The following PCSK6 variants were observed in gnomAD, a reference collection of about 807,000 sequenced individuals.
PCSK6 encodes proprotein convertase subtilisin/kexin type 6, also known as paired basic amino acid cleaving enzyme 4.
PCSK6 carries 85 observed loss-of-function variants against 123.3 expected under a neutral mutation model. That is an observed-to-expected ratio of 0.69 (90% CI 0.58 to 0.83). The LOEUF (loss-of-function observed/expected upper bound fraction) is 0.83. Among genes scored for constraint, PCSK6 ranks in the 40% least tolerant of loss-of-function variants. PCSK6 has a pLI of 0.00. For missense variants in PCSK6, 1,191 were observed against 1,282.3 expected (o/e 0.93, Z 1.09); for synonymous variants, 508 against 516.0 (o/e 0.98, Z 0.21).
At chr15:101,373,419 C>T (rs1449212519) in intron 11 of PCSK6, among the ~76,000 whole-genome samples, 1 of 152,232 alleles carries the variant, frequency 6.6e-6, no homozygotes, top group Non-Finnish European at 1.5e-5. Context: ...CAGGACTCCT[C>T]ATTCCTGTAA....
intron 20 of PCSK6, chr15:101,308,615 C>T (rs1371554675): frequency 6.6e-6 from 1 of 152,032 alleles, no homozygotes; most frequent in Non-Finnish European, 1.5e-5. Context: ...AAACTCACAC[C>T]CACGAGCCTT....
chr15:101,405,225 C>T (rs2042734602), intron 6 of PCSK6, among the ~76,000 whole-genome samples: 1 of 152,186 alleles, frequency 6.6e-6, no homozygotes, highest in Non-Finnish European at 1.5e-5. Context: ...AAAAGAAAGG[C>T]CCATTTACTA....
Position 101,396,431 on chromosome 15 carries a change from C to T in PCSK6, c.996+1973G>A, listed in dbSNP as rs187850329. On this transcript the variant is annotated intron_variant, in intron 7 of 21. Coordinates refer to ENST00000611716, the MANE Select transcript of PCSK6 (RefSeq NM_002570.5). ...GGAGCTCCATCTTTGGAAATCATCC[C>T]GTAGAAATGACAGACGCTCAGCAGG... is the stretch of plus-strand genomic sequence containing the variant. Among the ~76,000 whole-genome samples, 734 of 152,260 alleles carry T rather than the reference C, an allele frequency of 4.8e-3. 3 individuals are homozygous for T. Among genetic ancestry groups the T allele is most frequent in the Middle Eastern group, 0.027 (8 of 294 alleles).
intron 1 of PCSK6, among the ~76,000 whole-genome samples, chr15:101,452,997 T>C (rs1032763549): frequency 6.6e-6 from 1 of 152,126 alleles, no homozygotes; most frequent in Non-Finnish European, 1.5e-5. Context: ...TTTCAAAAAA[T>C]TGTAAAAGAA....
In PCSK6 at chr15:101,409,360, C is replaced by T. The variant is rs111634728; in HGVS notation, c.824-10784G>A. Among the ~76,000 whole-genome samples, 5 of 151,374 alleles carry T rather than the reference C, an allele frequency of 3.3e-5. No homozygotes were observed. The East Asian group carries it at 5.9e-4, about 18-fold the overall frequency. ...CAGCACTTTGGGCGGCCGAGGCGGG[C>T]GGATCACGAGGTCAGGAGATCGAGA... On this transcript the variant is annotated intron_variant, in intron 6 of 21. Transcript: ENST00000611716.
chr15:101,319,546 G>C (rs576861707), intron 18 of PCSK6, among the ~76,000 whole-genome samples: 452 of 152,364 alleles, frequency 3.0e-3, no homozygotes, highest in Middle Eastern at 0.024. Context: ...GGCTGCCAGG[G>C]AACCAACCAT....
chr15:101,321,681 C>A (rs930152767), intron 18 of PCSK6, among the ~76,000 whole-genome samples: 2 of 152,262 alleles, frequency 1.3e-5, no homozygotes, highest in Non-Finnish European at 2.9e-5. Flanking sequence ...CAGCCCTCCA[C>A]CGCCTCACCC....
At chr15:101,368,175 C>T (rs2086679) in intron 12 of PCSK6, among the ~76,000 whole-genome samples, 58,960 of 151,974 alleles carry the variant, frequency 0.39, 12,559 homozygotes, top group African/African-American at 0.55. Flanking sequence ...CAAGGGGTGG[C>T]TCCCAATAGG....
chr15:101,351,456 A>C (rs1844244968), intron 13 of PCSK6, among the ~76,000 whole-genome samples: 1 of 152,186 alleles, frequency 6.6e-6, no homozygotes, highest in Non-Finnish European at 1.5e-5. Context: ...TCTGTGGCAA[A>C]AATATTACCC....
intron 19 of PCSK6, among the ~76,000 whole-genome samples, chr15:101,317,792 G>A (rs1052274689): frequency 2.0e-5 from 3 of 152,156 alleles, no homozygotes; most frequent in Non-Finnish European, 4.4e-5. Context: ...TGTTCAAAGT[G>A]GGCCTTTGCA....
At chr15:101,388,108 G>A (rs1305484886) in intron 9 of PCSK6, among the ~76,000 whole-genome samples, 2 of 152,230 alleles carry the variant, frequency 1.3e-5, no homozygotes, top group African/African-American at 4.8e-5. Context: ...AATAAGGAAT[G>A]GAGGAAAATA....
chr15:101,438,086 G>A (rs1055148128), intron 2 of PCSK6, among the ~76,000 whole-genome samples: 7 of 152,224 alleles, frequency 4.6e-5, no homozygotes, highest in Non-Finnish European at 8.8e-5. Context: ...CCCTGCCAAC[G>A]CCGTAATCTC....
chr15:101,430,236 A>C (rs576287917), intron 4 of PCSK6, among the ~76,000 whole-genome samples, 173 bp from the exon 5 acceptor site: 4 of 152,286 alleles, frequency 2.6e-5, no homozygotes, highest in Non-Finnish European at 5.9e-5. Context: ...CGGGAAATAC[A>C]CGACCTTAAC....
At chr15:101,359,560 GGACCGGAA>G (rs1463943525) in intron 13 of PCSK6, among the ~76,000 whole-genome samples, 5 of 152,262 alleles carry the variant, frequency 3.3e-5, no homozygotes, top group African/African-American at 1.2e-4. Context: ...GGGCACAGCA[GGACCGGAA>G]GGAAGGAAGG....
chr15:101,416,549 G>A (rs1567205285), intron 6 of PCSK6, among the ~76,000 whole-genome samples: 1 of 152,192 alleles, frequency 6.6e-6, no homozygotes, highest in Non-Finnish European at 1.5e-5. Context: ...TAATCCCCAA[G>A]ACCATGGGAA....
rs1343775826 is a variant in PCSK6 at position 101,489,629 on chromosome 15, C to T, written c.42G>A (p.Pro14=). The T allele has an allele frequency of 7.2e-6, 7 of 974,016 alleles. No homozygotes were observed. The highest frequency in any genetic ancestry group is 6.5e-5 in the Admixed American group (1 of 15,428). 60.3% of individuals were successfully genotyped at this position (974,016 alleles called of 1,614,324 possible). Reference sequence around the variant, plus strand: ...TGTCGGTGGCGGCGGCGGCCCGGGGCGGCGGCCGGGGCCCGGGCGCAGGCG... The same window carrying T: ...TGTCGGTGGCGGCGGCGGCCCGGGGTGGCGGCCGGGGCCCGGGCGCAGGCG... The part of the protein sequence containing the change: ...RAPPAPGPRP[P]PRAAAATDTA... The change falls in exon 1 of 22, where the codon CCG becomes CCA. Residue 14 remains proline (P), a synonymous_variant. Transcript: ENST00000611716.
chr15:101,431,437 G>A lies in PCSK6; in HGVS notation c.540C>T (p.Cys180=). ...YLHCGDKNSR[C]RSEMNVQAAW... Reference sequence around the variant, plus strand: ...CTGCCTGGACATTCATTTCCGACCGGCAGCGACTGTTCTTGTCGCCACAAT... The same window carrying A: ...CTGCCTGGACATTCATTTCCGACCGACAGCGACTGTTCTTGTCGCCACAAT... The change falls in exon 4 of 22, where the codon TGC becomes TGT. Residue 180 remains cysteine (C), a synonymous_variant. Transcript: ENST00000611716. The A allele has an allele frequency of 1.9e-6, 3 of 1,613,708 alleles. No individual in the cohort carries two copies. The highest frequency in any genetic ancestry group is 2.5e-6 in the Non-Finnish European group (3 of 1,179,816).
intron 1 of PCSK6, among the ~76,000 whole-genome samples, chr15:101,469,522 G>A (rs1245926651): frequency 6.6e-6 from 1 of 152,218 alleles, no homozygotes; most frequent in Non-Finnish European, 1.5e-5. Flanking sequence ...CTTTAAGAGA[G>A]AATCCTTAGT....
intron 13 of PCSK6, among the ~76,000 whole-genome samples, chr15:101,343,628 T>A (rs1300935635): frequency 6.6e-6 from 1 of 152,234 alleles, no homozygotes; most frequent in African/African-American, 2.4e-5. Context: ...ATTTTTCAAT[T>A]TTCAAATGTA....
Sources: allele counts gnomAD v4.1 joint callset (sites outside exome capture counted in the v4.1 genomes callset), GRCh38; gene constraint gnomAD v4.1.1; transcripts MANE v1.5; gene names NCBI Gene and HGNC (gene_info 2026-07-23, HGNC 2026-07-21).